Variants in NBAS observed in about 807,000 individuals in gnomAD.
The protein encoded by NBAS is NAG/BC035112 fusion.
A neutral mutation model predicts 302.5 loss-of-function variants in NBAS; 219 were observed. The ratio of observed to expected loss-of-function variants is 0.72; its 90% CI spans 0.65 to 0.81. NBAS has a LOEUF of 0.81. Ranked by LOEUF, NBAS falls within the 30% of genes least tolerant of loss-of-function variation. NBAS has a pLI of 0.00. For synonymous variants in NBAS, 1,118 were observed against 1,021.6 expected, an observed-to-expected ratio of 1.09 and a Z score of -1.80; for missense variants, 2,932 against 2,841.6, an observed-to-expected ratio of 1.03 and a Z score of -0.72.
At chr2:15,478,149 T>C in intron 13 of NBAS, 77 bp downstream of exon 13, 1 of 1,066,306 alleles carries the variant, frequency 9.4e-7, no homozygotes, top group East Asian at 2.4e-5. Context: ...TAGAGACTTT[T>C]TATATCATCC....
the NBAS span, among the ~76,000 whole-genome samples, chr2:14,865,483 T>C: frequency 6.6e-4 from 100 of 152,314 alleles, 1 homozygote; most frequent in East Asian, 0.018. Context: ...TCAGTAAGCA[T>C]AGCTCCTTTG....
At chr2:14,906,847 G>A in the NBAS span, among the ~76,000 whole-genome samples, 3 of 152,118 alleles carry the variant, frequency 2.0e-5, no homozygotes, top group East Asian at 3.9e-4. Flanking sequence ...CAAAGTCGAG[G>A]GTGCCCATTA....
intron 38 of NBAS, among the ~76,000 whole-genome samples, chr2:15,321,777 T>C (rs1671818648): frequency 6.6e-6 from 1 of 152,156 alleles, no homozygotes; most frequent in African/African-American, 2.4e-5. Flanking sequence ...AGGAACACTT[T>C]TACACTGTTG....
Position 15,536,491 on chromosome 2 carries a change from T to G in NBAS, c.574A>C (p.Lys192Gln). ...AIAGLIFLEYKASAQWSAELL... is the reference protein window; with the variant it reads ...AIAGLIFLEYQASAQWSAELL... ...TCTGCAGACCACTGTGCACTTGCTT[T>G]ATATTCTAAAAATATCAACCCAGCA... The change falls in exon 8 of 52, where the codon AAA (lysine) becomes CAA (glutamine). Residue 192 changes from lysine to glutamine, a missense_variant. By Grantham distance (53) the Lys-to-Gln change is moderately conservative. Coordinates refer to ENST00000281513, the MANE Select transcript of NBAS (RefSeq NM_015909.4). 6.2e-7 allele frequency: 1 copy of G among 1,613,356 alleles called. No homozygotes were observed. Among genetic ancestry groups the G allele is most frequent in the Non-Finnish European group, 8.5e-7 (1 of 1,179,756 alleles).
chr2:15,508,870 G>A (rs963245671), intron 10 of NBAS, among the ~76,000 whole-genome samples: 13 of 152,096 alleles, frequency 8.5e-5, no homozygotes, highest in African/African-American at 1.4e-4. Flanking sequence ...GGGCATGATG[G>A]GGGGTGCCTG....
At chr2:15,351,610 G>A (rs1001974160) in intron 35 of NBAS, among the ~76,000 whole-genome samples, 1 of 150,686 alleles carries the variant, frequency 6.6e-6, no homozygotes, top group South Asian at 2.1e-4. Flanking sequence ...CCTGGGAGGT[G>A]GAGGTTGCAG....
At chr2:15,370,490 T>A (rs1674429573) in intron 31 of NBAS, among the ~76,000 whole-genome samples, 1 of 152,010 alleles carries the variant, frequency 6.6e-6, no homozygotes, top group Non-Finnish European at 1.5e-5. Flanking sequence ...TAGAGACGGG[T>A]TTTGCCATGT....
chr2:15,105,001 C>A, the NBAS span, among the ~76,000 whole-genome samples: 1 of 151,862 alleles, frequency 6.6e-6, no homozygotes, highest in Admixed American at 6.6e-5. Flanking sequence ...GACTTGGAAC[C>A]AACCCAAATG....
At chr2:14,945,586 A>G in the NBAS span, among the ~76,000 whole-genome samples, 69 of 152,310 alleles carry the variant, frequency 4.5e-4, no homozygotes, top group Non-Finnish European at 8.4e-4. Context: ...AATGAGATTA[A>G]AATAATTTTT....
At chr2:15,071,433 G>A in the NBAS span, among the ~76,000 whole-genome samples, 2 of 152,162 alleles carry the variant, frequency 1.3e-5, no homozygotes. Flanking sequence ...AGACCAGCCC[G>A]GCCAATACGG....
the NBAS span, among the ~76,000 whole-genome samples, chr2:14,947,844 A>G: frequency 6.6e-6 from 1 of 151,896 alleles, no homozygotes; most frequent in South Asian, 2.1e-4. Context: ...GTTTAATTTT[A>G]TTAAATGCTT....
the NBAS span, among the ~76,000 whole-genome samples, chr2:15,109,619 G>A: frequency 6.6e-6 from 1 of 152,096 alleles, no homozygotes; most frequent in South Asian, 2.1e-4. Context: ...GCACAGTCAG[G>A]GGGTGGTGAG....
the NBAS span, among the ~76,000 whole-genome samples, chr2:15,147,517 C>CG: frequency 6.6e-6 from 1 of 151,948 alleles, no homozygotes; most frequent in African/African-American, 2.4e-5. Flanking sequence ...CGCTTGAATC[C>CG]GGAGGTGGAG....
chr2:14,808,036 G>A, the NBAS span, among the ~76,000 whole-genome samples: 1 of 151,922 alleles, frequency 6.6e-6, no homozygotes, highest in Admixed American at 6.6e-5. Flanking sequence ...TTTAACTCAA[G>A]CATGACATAG....
intron 44 of NBAS, among the ~76,000 whole-genome samples, chr2:15,250,377 C>T (rs1668305731): frequency 6.6e-6 from 1 of 152,134 alleles, no homozygotes; most frequent in South Asian, 2.1e-4. Context: ...AAAATCTAGG[C>T]AATACCATTC....
At chr2:15,336,386 G>T (rs1672586837) in intron 35 of NBAS, among the ~76,000 whole-genome samples, 1 of 152,166 alleles carries the variant, frequency 6.6e-6, no homozygotes, top group African/African-American at 2.4e-5. Context: ...ATATATAGGT[G>T]TAAGAAGTCT....
intron 41 of NBAS, among the ~76,000 whole-genome samples, chr2:15,289,152 T>C (rs978056026): frequency 5.3e-5 from 8 of 152,154 alleles, no homozygotes; most frequent in Admixed American, 1.3e-4. Flanking sequence ...TCAAGGCTCA[T>C]TGTAGCCTTG....
At chr2:15,480,662 G>C (rs927709696) in intron 12 of NBAS, among the ~76,000 whole-genome samples, 4 of 152,086 alleles carry the variant, frequency 2.6e-5, no homozygotes, top group Admixed American at 6.5e-5. Flanking sequence ...CAGTCTGAAA[G>C]CATAATGTGA....
chr2:15,045,440 A>G, the NBAS span, among the ~76,000 whole-genome samples: 1 of 152,214 alleles, frequency 6.6e-6, no homozygotes, highest in Admixed American at 6.5e-5. Context: ...TTGTTATCAG[A>G]GAGCATGCAG....
Sources: allele counts gnomAD v4.1 joint callset (sites outside exome capture counted in the v4.1 genomes callset), GRCh38; gene constraint gnomAD v4.1.1; transcripts MANE v1.5; gene names NCBI Gene and HGNC (gene_info 2026-07-23, HGNC 2026-07-21).